The following BAG5 variants were observed in gnomAD, a reference collection of about 807,000 sequenced individuals.
The protein encoded by BAG5 is BAG cochaperone 5, also known as BAG family molecular chaperone regulator 5.
BAG5 carries 25 observed loss-of-function variants against 31.8 expected under a neutral mutation model. The ratio of observed to expected loss-of-function variants is 0.79; its 90% CI spans 0.57 to 1.10. BAG5 has a LOEUF of 1.10. Among genes scored for constraint, BAG5 ranks in the 50% least tolerant of loss-of-function variants. The probability of loss-of-function intolerance (pLI) is 0.00; values close to 1 mark genes in which losing one functional copy is unlikely to be tolerated. For missense variants in BAG5, 491 were observed against 527.9 expected, an observed-to-expected ratio of 0.93 and a Z score of 0.68; for synonymous variants, 208 against 205.0, an observed-to-expected ratio of 1.01 and a Z score of -0.13.
In BAG5 at chr14:103,560,222, C is replaced by T; in HGVS notation, c.943G>A (p.Gly315Arg). Reference protein sequence around the residue: ...SSKTELQGLIGQLDEVSLEKN... With the variant: ...SSKTELQGLIRQLDEVSLEKN... ...TCAAGACTTACCTCATCCAACTGTCCAATTAAACCCTGCAATTCTGTTTTG... is the reference window on the plus strand; with the variant it reads ...TCAAGACTTACCTCATCCAACTGTCTAATTAAACCCTGCAATTCTGTTTTG... Residue 315 changes from glycine (G) to arginine (R), a missense_variant, in exon 2 of 2, where the codon GGA becomes AGA. Transcript: ENST00000299204. 1.9e-6 allele frequency: 3 copies of T among 1,614,110 alleles called. No homozygotes were observed. The highest frequency in any genetic ancestry group is 2.5e-6 in the Non-Finnish European group (3 of 1,180,012).
In BAG5 at chr14:103,561,874, C is replaced by G. The variant is rs546904670; in HGVS notation, c.-28-682G>C. On this transcript the variant is annotated intron_variant, in intron 1 of 1. Transcript: ENST00000299204. ...TCCACTCTCTCAAAAAAAAACAACC[C>G]GCGAAAACGTGGTAACTATGAATAA... 14 of 1,504,184 alleles carry G rather than the reference C, an allele frequency of 9.3e-6. No homozygotes were observed. In the African/African-American group the frequency reaches 1.2e-4, roughly 13 times the overall value. 93.2% of individuals were successfully genotyped at this position (1,504,184 alleles called of 1,614,324 possible).
In BAG5 at chr14:103,560,917, T is replaced by C. The variant is rs1222886364; in HGVS notation, c.248A>G (p.Glu83Gly). The C allele has an allele frequency of 6.2e-7, 1 of 1,614,196 alleles. No homozygotes were observed. The highest frequency in any genetic ancestry group is 1.1e-5 in the South Asian group (1 of 91,076). The change falls in exon 2 of 2, where the codon GAG becomes GGG. Residue 83 changes from glutamate (E) to glycine (G), a missense_variant. Physicochemically the swap from Glu to Gly is moderately conservative, Grantham distance 98. Coordinates refer to ENST00000299204, the MANE Select transcript of BAG5 (RefSeq NM_001015048.3). ...CCGGTGTGGGTGGTTTGCATTCTGC[T>C]CCAACTCTTTGAGAAGACGTTCTGT... ...QETERLLKEL[E>G]QNANHPHRIE...
chr14:103,561,937 C>CT, intron 1 of BAG5: 1 of 1,613,392 alleles, frequency 6.2e-7, no homozygotes. Context: ...CCACAATGGC[C>CT]TAATGCACGT....
Position 103,560,492 on chromosome 14 carries a change from C to G in BAG5, c.673G>C (p.Ala225Pro), listed in dbSNP as rs764822568. ...HLSCVLSGLI[A>P]DLDALDVCGR... is the part of the protein sequence containing the mutation. ...CACACATCTAGAGCATCCAGGTCAG[C>G]GATCAGCCCCGAGAGCACACAGGAT... Residue 225 changes from alanine to proline, a missense_variant, in exon 2 of 2, where the codon GCT (alanine) becomes CCT (proline). By Grantham distance (27) the Ala-to-Pro change is conservative. Transcript: ENST00000299204. 2 of 1,614,074 alleles carry G rather than the reference C, an allele frequency of 1.2e-6. No homozygotes were observed. Among genetic ancestry groups the G allele is most frequent in the African/African-American group, 2.7e-5 (2 of 75,024 alleles).
At position 103,557,214 on chromosome 14, in the gene BAG5, C is replaced by T. The variant is rs1054014728; in HGVS notation, c.*2607G>A. The T allele has an allele frequency of 2.6e-4, 40 of 152,184 alleles. No individual in the cohort carries two copies. The highest frequency in any genetic ancestry group is 9.2e-4 in the African/African-American group (38 of 41,430). 9.4% of individuals were successfully genotyped at this position (152,184 alleles called of 1,614,324 possible). A position where few individuals can be genotyped will look rare whatever the true frequency, so the allele number is the denominator to read the frequency against. ...CATTACAGATCACAAAAATACAATA[C>T]AATGTGACAAGCCCAGTTTAAGAAT... On this transcript the variant is annotated 3_prime_UTR_variant, in exon 2 of 2. Coordinates refer to ENST00000299204, the MANE Select transcript of BAG5 (RefSeq NM_001015048.3).
rs768533731 is a variant in BAG5 at position 103,559,775 on chromosome 14, C to T, written c.*46G>A. On this transcript the variant is annotated 3_prime_UTR_variant, in exon 2 of 2. Transcript: ENST00000299204. Reference sequence around the variant, plus strand: ...ACTGAAAGCTCTCTATACATAGAAGCACATATGAAGTGCAAAACAGTATCA... The same window carrying T: ...ACTGAAAGCTCTCTATACATAGAAGTACATATGAAGTGCAAAACAGTATCA... The T allele has an allele frequency of 2.5e-6, 4 of 1,574,938 alleles. No homozygotes were observed. Among genetic ancestry groups the T allele is most frequent in the East Asian group, 2.2e-5 (1 of 44,468 alleles).
chr14:103,561,776 A>G (rs2076077116), intron 1 of BAG5: 1 of 643,946 alleles, frequency 1.6e-6, no homozygotes. Flanking sequence ...GGTAAAGAAG[A>G]GCGACCGGGA....
intron 1 of BAG5, chr14:103,562,351 A>C (rs1358193123): frequency 3.5e-6 from 1 of 288,458 alleles, no homozygotes; most frequent in Non-Finnish European, 6.6e-6. Context: ...GCGCGAGGGG[A>C]GCTCGGCCCG....
In BAG5 at chr14:103,562,052, G is replaced by A. The variant is rs772494977; in HGVS notation, c.-29+564C>T. The A allele has an allele frequency of 1.9e-5, 25 of 1,321,664 alleles. No homozygotes were observed. The East Asian group carries it at 5.3e-4, about 28-fold the overall frequency. The allele number at this position is 1,321,664 out of a possible 1,614,324, so 81.9% of individuals were successfully genotyped here. ...TCCTGGAGGCCACGGAGGGAAGGCG[G>A]CCCGAGCTGCTTCCTCCCCGCCTCG... On this transcript the variant is annotated intron_variant, in intron 1 of 1. Coordinates refer to ENST00000299204, the MANE Select transcript of BAG5 (RefSeq NM_001015048.3).
intron 1 of BAG5, chr14:103,562,116 T>G (rs2076082118): frequency 1.3e-6 from 1 of 760,290 alleles, no homozygotes; most frequent in Non-Finnish European, 2.3e-6. Flanking sequence ...GAAGTCTGAA[T>G]TGGATGCGGT....
chr14:103,562,306 A>C lies in BAG5; in HGVS notation c.-29+310T>G. On this transcript the variant is annotated intron_variant, in intron 1 of 1. Coordinates refer to ENST00000299204, the MANE Select transcript of BAG5 (RefSeq NM_001015048.3). ...CTCCGGGCGTCTTGGCCCGGGTGCC[A>C]GGGCGCGCCTGCAGGACGTGACCTC... is the stretch of plus-strand genomic sequence containing the variant. 5 of 401,414 alleles carry C rather than the reference A, an allele frequency of 1.2e-5. No homozygotes were observed. In the South Asian group the frequency reaches 1.3e-4, roughly 10 times the overall value. 24.9% of individuals were successfully genotyped at this position (401,414 alleles called of 1,614,324 possible).
At chr14:103,562,094 C>T (rs762317724) in intron 1 of BAG5, 82 of 903,686 alleles carry the variant, frequency 9.1e-5, no homozygotes, top group Non-Finnish European at 1.4e-4. Flanking sequence ...CCTCTTGGCC[C>T]TTTACCCAAA....
Position 103,561,425 on chromosome 14 carries a change from G to GC in BAG5, c.-28-234dup, listed in dbSNP as rs1183828179. 4.6e-5 allele frequency among the ~76,000 whole-genome samples: 7 copies of GC among 152,176 alleles called. No homozygotes were observed. The East Asian group carries it at 1.4e-3, about 29-fold the overall frequency. ...TGCCCAGGCTGGTCTCAGACGATCC[G>GC]CCCGCCTCCGCCTCCCAAAGTGCTG... On this transcript the variant is annotated intron_variant, in intron 1 of 1. Coordinates refer to ENST00000299204, the MANE Select transcript of BAG5 (RefSeq NM_001015048.3).
rs201306760 is a variant in BAG5, at chr14:103,556,795, CAAAAA to C, written c.*3021_*3025del. 1 of 146,686 alleles carries C rather than the reference CAAAAA, an allele frequency of 6.8e-6. No individual in the cohort carries two copies. The highest frequency in any genetic ancestry group is 2.1e-4 in the South Asian group (1 of 4,670). The allele number at this position is 146,686 out of a possible 1,614,324, so 9.1% of individuals were successfully genotyped here. On this transcript the variant is annotated 3_prime_UTR_variant, in exon 2 of 2. Coordinates refer to ENST00000299204, the MANE Select transcript of BAG5 (RefSeq NM_001015048.3). ...AAATTAAAAGGTGAAAAGCTGTGCTCAAAAAAAAAATAAAAAAACCCAAAACCTTG... is the reference window on the plus strand; with the variant it reads ...AAATTAAAAGGTGAAAAGCTGTGCTCAAAAATAAAAAAACCCAAAACCTTG...
In BAG5 at chr14:103,560,179, C is replaced by T. The variant is rs1413163116; in HGVS notation, c.986G>A (p.Arg329Gln). ...GATCACTGCTCTTCTCCTGGCTTCC[C>T]GGATGCAGGGGTTTTTTTCAAGACT... ...EVSLEKNPCI[R>Q]EARRRAVIEV... Residue 329 changes from arginine (R) to glutamine (Q), a missense_variant, in exon 2 of 2, where the codon CGG (arginine) becomes CAG (glutamine). Physicochemically the swap from Arg to Gln is conservative, Grantham distance 43. Coordinates refer to ENST00000299204, the MANE Select transcript of BAG5 (RefSeq NM_001015048.3). 5.0e-6 allele frequency: 8 copies of T among 1,614,108 alleles called. No individual in the cohort carries two copies. The highest frequency in any genetic ancestry group is 2.7e-5 in the African/African-American group (2 of 75,030).
At position 103,558,600 on chromosome 14, in the gene BAG5, T is replaced by A. The variant is rs2076051504; in HGVS notation, c.*1221A>T. On this transcript the variant is annotated 3_prime_UTR_variant, in exon 2 of 2. Coordinates refer to ENST00000299204, the MANE Select transcript of BAG5 (RefSeq NM_001015048.3). Reference sequence around the variant, plus strand: ...AGAAGAGAGATGCTTCACGCACGACTGACTTTAATGGCTCTTTCAGGCAAC... The same window carrying A: ...AGAAGAGAGATGCTTCACGCACGACAGACTTTAATGGCTCTTTCAGGCAAC... 6.6e-6 allele frequency: 1 copy of A among 152,242 alleles called. No individual in the cohort carries two copies. 9.4% of individuals were successfully genotyped at this position (152,242 alleles called of 1,614,324 possible).
At chr14:103,562,078 C>T in intron 1 of BAG5, 2 of 1,024,246 alleles carry the variant, frequency 2.0e-6, no homozygotes, top group East Asian at 2.4e-5. Context: ...CCCCGCCTCG[C>T]CCTTCCCTCT....
Position 103,560,947 on chromosome 14 carries a change from T to A in BAG5, c.218A>T (p.Gln73Leu). Residue 73 changes from glutamine to leucine, a missense_variant, in exon 2 of 2, where the codon CAG becomes CTG. Physicochemically the swap from Gln to Leu is moderately radical, Grantham distance 113 (BLOSUM62 -2). Transcript: ENST00000299204. ...DIQQARKRAAQETERLLKELE... is the reference protein window; with the variant it reads ...DIQQARKRAALETERLLKELE... ...CTCTTTGAGAAGACGTTCTGTCTCC[T>A]GTGCTGCCCGCTTCCTAGCTTGCTG... is the stretch of plus-strand genomic sequence containing the variant. The A allele has an allele frequency of 6.2e-7, 1 of 1,614,224 alleles. No individual in the cohort carries two copies. The highest frequency in any genetic ancestry group is 8.5e-7 in the Non-Finnish European group (1 of 1,180,052).
rs1396235729 is a variant in BAG5 at position 103,562,065 on chromosome 14, C to T, written c.-29+551G>A. 2.0e-5 allele frequency: 22 copies of T among 1,115,562 alleles called. No individual in the cohort carries two copies. The Admixed American group carries it at 3.4e-4, about 17-fold the overall frequency. 69.1% of individuals were successfully genotyped at this position (1,115,562 alleles called of 1,614,324 possible). On this transcript the variant is annotated intron_variant, in intron 1 of 1. Coordinates refer to ENST00000299204, the MANE Select transcript of BAG5 (RefSeq NM_001015048.3). The stretch of plus-strand genomic sequence containing the variant: ...GGAGGGAAGGCGGCCCGAGCTGCTT[C>T]CTCCCCGCCTCGCCCTTCCCTCTTG...
Sources: allele counts gnomAD v4.1 joint callset (sites outside exome capture counted in the v4.1 genomes callset), GRCh38; gene constraint gnomAD v4.1.1; transcripts MANE v1.5; gene names NCBI Gene and HGNC (gene_info 2026-07-23, HGNC 2026-07-21).